SLC36A1: variants seen among roughly 807,000 people sequenced by gnomAD.
The protein encoded by SLC36A1 is proton-coupled amino acid transporter 1.
Under a neutral mutation model 47.5 loss-of-function variants are expected in SLC36A1, and 30 were observed. The observed-to-expected ratio is 0.63, with a 90% CI of 0.47 to 0.86. The LOEUF is 0.86. Among genes scored for constraint, SLC36A1 ranks in the 40% least tolerant of loss-of-function variants. SLC36A1 has a pLI of 0.00. For missense variants in SLC36A1, 517 were observed against 606.0 expected (o/e 0.85, Z 1.54); for synonymous variants, 255 against 249.7 (o/e 1.02, Z -0.20).
chr5:151,379,294 T>A, the SLC36A1 span, among the ~76,000 whole-genome samples: 1 of 152,212 alleles, frequency 6.6e-6, no homozygotes, highest in African/African-American at 2.4e-5. Context: ...TAGGCGATGT[T>A]TTTTTCCTAC....
intron 10 of SLC36A1, among the ~76,000 whole-genome samples, chr5:151,482,531 A>G (rs1234780195): frequency 6.6e-6 from 1 of 152,102 alleles, no homozygotes; most frequent in Non-Finnish European, 1.5e-5. Flanking sequence ...TTTGCATTGT[A>G]TCTTCTGTGT....
chr5:151,497,228 A>G (rs887528251), downstream of SLC36A1, among the ~76,000 whole-genome samples: 4 of 152,188 alleles, frequency 2.6e-5, no homozygotes, highest in South Asian at 2.1e-4. Flanking sequence ...TTTCACTTTA[A>G]GTATGATGTA....
chr5:151,439,629 G>A (rs1210314121), intron 1 of SLC36A1, among the ~76,000 whole-genome samples: 1 of 150,592 alleles, frequency 6.6e-6, no homozygotes, highest in Non-Finnish European at 1.5e-5. Flanking sequence ...CTCCAGCCAG[G>A]GCAACAGAGT....
At chr5:151,513,532 G>A in the SLC36A1 span, among the ~76,000 whole-genome samples, 3 of 152,164 alleles carry the variant, frequency 2.0e-5, no homozygotes, top group Non-Finnish European at 4.4e-5. Context: ...TTACAAGTGG[G>A]AACTAAATGC....
the SLC36A1 span, among the ~76,000 whole-genome samples, chr5:151,371,996 A>G: frequency 0.52 from 78,636 of 151,992 alleles, 22,700 homozygotes; most frequent in African/African-American, 0.79. Context: ...TATTCTACCC[A>G]AAGGAAGACA....
the SLC36A1 span, among the ~76,000 whole-genome samples, chr5:151,391,036 A>G: frequency 6.6e-6 from 1 of 152,160 alleles, no homozygotes; most frequent in Non-Finnish European, 1.5e-5. Flanking sequence ...CTTCCTATCC[A>G]TGAGCATGGA....
the SLC36A1 span, among the ~76,000 whole-genome samples, chr5:151,518,044 A>G: frequency 6.6e-6 from 1 of 152,070 alleles, no homozygotes; most frequent in East Asian, 1.9e-4. Flanking sequence ...AAGAAAGCAA[A>G]AGTCATCCAG....
the SLC36A1 span, among the ~76,000 whole-genome samples, chr5:151,402,329 C>G: frequency 2.0e-5 from 3 of 152,086 alleles, no homozygotes; most frequent in Non-Finnish European, 2.9e-5. Flanking sequence ...AACCTTGCAT[C>G]CCAGGAATAA....
chr5:151,392,119 G>T, the SLC36A1 span, among the ~76,000 whole-genome samples: 2 of 152,120 alleles, frequency 1.3e-5, no homozygotes, highest in African/African-American at 4.8e-5. Flanking sequence ...AATCTTCCTG[G>T]TTTAGTATTG....
chr5:151,386,406 A>G, the SLC36A1 span, among the ~76,000 whole-genome samples: 1 of 152,142 alleles, frequency 6.6e-6, no homozygotes, highest in Non-Finnish European at 1.5e-5. Flanking sequence ...GAAGATAATA[A>G]CTCTGACCAT....
the SLC36A1 span, among the ~76,000 whole-genome samples, chr5:151,524,767 C>A: frequency 1.3e-5 from 2 of 152,154 alleles, no homozygotes; most frequent in African/African-American, 4.8e-5. Flanking sequence ...ATACCTCAAG[C>A]CACTTCAGGC....
At chr5:151,428,441 C>G in the SLC36A1 span, among the ~76,000 whole-genome samples, 1 of 152,144 alleles carries the variant, frequency 6.6e-6, no homozygotes, top group Non-Finnish European at 1.5e-5. Flanking sequence ...GGCTGCATCT[C>G]CAGGCCCTAG....
chr5:151,477,044 A>G lies in SLC36A1; in HGVS notation c.989+288A>G, dbSNP rs980606864. On this transcript the variant is annotated intron_variant, in intron 9 of 10. Transcript: ENST00000243389. ...ACCGAGTATCTAGTCCATTCATGGTAAACCATTCCAAATAGACAGGGAGAT... is the reference window on the plus strand; with the variant it reads ...ACCGAGTATCTAGTCCATTCATGGTGAACCATTCCAAATAGACAGGGAGAT... The G allele has an allele frequency of 6.2e-6, 3 of 486,682 alleles. No individual in the cohort carries two copies. In the Admixed American group the frequency reaches 8.0e-5, roughly 13 times the overall value. The allele number at this position is 486,682 out of a possible 1,614,324, so 30.1% of individuals were successfully genotyped here. A position where few individuals can be genotyped will look rare whatever the true frequency, so the allele number is the denominator to read the frequency against.
At chr5:151,503,999 C>G in the SLC36A1 span, 1 of 152,262 alleles carries the variant, frequency 6.6e-6, no homozygotes, top group Non-Finnish European at 1.5e-5. Context: ...TCTCTAGGAT[C>G]CCTTCCAGCT....
intron 8 of SLC36A1, among the ~76,000 whole-genome samples, chr5:151,475,603 A>G (rs754556978): frequency 6.6e-6 from 1 of 152,196 alleles, no homozygotes; most frequent in African/African-American, 2.4e-5. Context: ...TATGATGGAA[A>G]CTGACAGATA....
At chr5:151,417,904 C>T in the SLC36A1 span, among the ~76,000 whole-genome samples, 26 of 152,182 alleles carry the variant, frequency 1.7e-4, no homozygotes, top group African/African-American at 6.0e-4. Context: ...GCCTGGAGGC[C>T]TAGGAGGGTA....
chr5:151,485,437 G>A (rs1333799990), intron 10 of SLC36A1, among the ~76,000 whole-genome samples: 1 of 152,186 alleles, frequency 6.6e-6, no homozygotes, highest in African/African-American at 2.4e-5. Flanking sequence ...GGCTGATCGT[G>A]TGCTGGGTTC....
At chr5:151,543,807 G>T in the SLC36A1 span, 1 of 1,613,886 alleles carries the variant, frequency 6.2e-7, no homozygotes, top group South Asian at 1.1e-5. Flanking sequence ...TTTTGCAAAG[G>T]TTGAACATAG....
At chr5:151,546,183 A>T in the SLC36A1 span, 1 of 1,614,198 alleles carries the variant, frequency 6.2e-7, no homozygotes, top group Non-Finnish European at 8.5e-7. Flanking sequence ...GATAGACATG[A>T]ATGATCACTG....
Sources: allele counts gnomAD v4.1 joint callset (sites outside exome capture counted in the v4.1 genomes callset), GRCh38; gene constraint gnomAD v4.1.1; transcripts MANE v1.5; gene names NCBI Gene and HGNC (gene_info 2026-07-23, HGNC 2026-07-21).